ARHGAP31: variants seen among roughly 807,000 people sequenced by gnomAD.
ARHGAP31 encodes Rho GTPase activating protein 31.
A neutral mutation model predicts 113.9 loss-of-function variants in ARHGAP31; 34 were observed. That is an observed-to-expected ratio of 0.30 (90% confidence interval 0.23 to 0.40). The LOEUF (loss-of-function observed/expected upper bound fraction) is 0.40. Among genes scored for constraint, ARHGAP31 ranks in the 10% least tolerant of loss-of-function variants. ARHGAP31 has a pLI of 1.00. For missense variants in ARHGAP31, 1,548 were observed against 1,767.1 expected (o/e 0.88, Z 2.22); for synonymous variants, 650 against 684.8 (o/e 0.95, Z 0.79).
chr3:119,330,060 C>T, intron 1 of ARHGAP31: 3 of 945,822 alleles, frequency 3.2e-6, no homozygotes, highest in Non-Finnish European at 3.8e-6. Context: ...TAGATATTTC[C>T]ATTCAATCGT....
rs989624865 is a variant in ARHGAP31 at position 119,416,282 on chromosome 3, G to A, written c.*18G>A. On this transcript the variant is annotated 3_prime_UTR_variant, in exon 12 of 12. Transcript: ENST00000264245. ...TAGAATGATTTCGGTTCACCTGCTG[G>A]TGTCTGAAAAAAACCGTGATTCATC... The A allele has an allele frequency of 1.9e-6, 3 of 1,611,912 alleles. No individual in the cohort carries two copies. Among genetic ancestry groups the A allele is most frequent in the African/African-American group, 2.7e-5 (2 of 74,916 alleles).
At chr3:119,296,797 C>T (rs2079537095) in intron 1 of ARHGAP31, among the ~76,000 whole-genome samples, 1 of 152,074 alleles carries the variant, frequency 6.6e-6, no homozygotes, top group African/African-American at 2.4e-5. Context: ...CAAACCAGTA[C>T]CCCGGGTTCC....
Position 119,294,832 on chromosome 3 carries a change from G to T in ARHGAP31, c.-73G>T. ...CGCGGGGCAGCCGGTGATCTAGCCC[G>T]GGAGCCCATCTTACAGCGGTGCCAA... On this transcript the variant is annotated 5_prime_UTR_variant, in exon 1 of 12. Transcript: ENST00000264245. The T allele has an allele frequency of 7.2e-7, 1 of 1,396,390 alleles. No homozygotes were observed. 86.5% of individuals were successfully genotyped at this position (1,396,390 alleles called of 1,614,324 possible).
chr3:119,381,837 T>C (rs1265705905), intron 4 of ARHGAP31, among the ~76,000 whole-genome samples: 1 of 152,064 alleles, frequency 6.6e-6, no homozygotes, highest in African/African-American at 2.4e-5. Flanking sequence ...ATACAAAAAA[T>C]TAGCCGGGCG....
At chr3:119,386,447 C>A (rs2080448890) in intron 6 of ARHGAP31, among the ~76,000 whole-genome samples, 1 of 152,184 alleles carries the variant, frequency 6.6e-6, no homozygotes, top group African/African-American at 2.4e-5. Context: ...TCCCTTGGGC[C>A]TCTTTTATAA....
At chr3:119,331,969 G>A (rs1036581526) in intron 1 of ARHGAP31, among the ~76,000 whole-genome samples, 7 of 152,078 alleles carry the variant, frequency 4.6e-5, no homozygotes, top group Non-Finnish European at 8.8e-5. Context: ...TTCTACTACT[G>A]AGCTGAACAG....
intron 1 of ARHGAP31, among the ~76,000 whole-genome samples, chr3:119,345,496 C>A (rs1219076197): frequency 6.6e-6 from 1 of 152,056 alleles, no homozygotes; most frequent in Non-Finnish European, 1.5e-5. Flanking sequence ...AGAACTCATG[C>A]CCTTAATCAG....
chr3:119,392,512 C>A (rs143007451), intron 7 of ARHGAP31, among the ~76,000 whole-genome samples: 2 of 152,308 alleles, frequency 1.3e-5, no homozygotes, highest in African/African-American at 2.4e-5. Flanking sequence ...GAGAGCCCTG[C>A]GGAGAATAGG....
chr3:119,330,031 A>G, intron 1 of ARHGAP31: 1 of 979,664 alleles, frequency 1.0e-6, no homozygotes, highest in Non-Finnish European at 1.2e-6. Flanking sequence ...CAGTTGCTTC[A>G]TAAAACCAAC....
chr3:119,297,733 C>T (rs527720696), intron 1 of ARHGAP31, among the ~76,000 whole-genome samples: 8 of 152,090 alleles, frequency 5.3e-5, no homozygotes, highest in South Asian at 2.1e-4. Flanking sequence ...GAATGAATGT[C>T]ATATGCTTCT....
Position 119,413,992 on chromosome 3 carries a change from C to T in ARHGAP31, c.2063C>T (p.Ser688Leu), listed in dbSNP as rs757093180. ...KTSPIQPILE[S>L]SLGPFIPSEP... is the part of the protein sequence containing the mutation. ...AGCCCAATTCAGCCTATTCTCGAGT[C>T]GAGTCTGGGGCCCTTTATTCCCTCA... is the stretch of plus-strand genomic sequence containing the variant. Residue 688 changes from serine to leucine, a missense_variant, in exon 12 of 12, where the codon TCG becomes TTG. Transcript: ENST00000264245. The T allele has an allele frequency of 1.9e-6, 3 of 1,614,068 alleles. No individual in the cohort carries two copies. Among genetic ancestry groups the T allele is most frequent in the Admixed American group, 1.7e-5 (1 of 59,998 alleles).
intron 8 of ARHGAP31, among the ~76,000 whole-genome samples, 186 bp downstream of exon 8, chr3:119,393,777 A>G (rs971310167): frequency 1.3e-5 from 2 of 152,162 alleles, no homozygotes; most frequent in African/African-American, 4.8e-5. Context: ...AATAGTACAC[A>G]GAGAACCTGT....
At chr3:119,361,530 C>T (rs1171435289) in intron 1 of ARHGAP31, among the ~76,000 whole-genome samples, 1 of 152,170 alleles carries the variant, frequency 6.6e-6, no homozygotes, top group Non-Finnish European at 1.5e-5. Context: ...TACAGGCACC[C>T]GCCACCACAC....
chr3:119,394,173 G>A (rs2080527961), intron 8 of ARHGAP31, among the ~76,000 whole-genome samples: 1 of 152,218 alleles, frequency 6.6e-6, no homozygotes, highest in South Asian at 2.1e-4. Context: ...TGTTATATTA[G>A]GAGGTACATG....
chr3:119,385,635 C>A (rs1302766443), intron 6 of ARHGAP31, among the ~76,000 whole-genome samples: 2 of 152,192 alleles, frequency 1.3e-5, no homozygotes, highest in African/African-American at 4.8e-5. Flanking sequence ...ACAGCAGGAA[C>A]TGTTGTAGGT....
chr3:119,344,878 C>G (rs1378741439), intron 1 of ARHGAP31, among the ~76,000 whole-genome samples: 4 of 152,076 alleles, frequency 2.6e-5, no homozygotes, highest in African/African-American at 9.7e-5. Context: ...GTTAGGTAAC[C>G]AACCATAGTT....
intron 1 of ARHGAP31, among the ~76,000 whole-genome samples, chr3:119,323,826 A>AG (rs2079816522): frequency 6.6e-6 from 1 of 152,180 alleles, no homozygotes; most frequent in South Asian, 2.1e-4. Context: ...TTGAAAAGCG[A>AG]GGGAGGGACT....
chr3:119,401,489 T>C (rs1016580007), intron 9 of ARHGAP31, among the ~76,000 whole-genome samples: 1 of 152,218 alleles, frequency 6.6e-6, no homozygotes, highest in Non-Finnish European at 1.5e-5. Flanking sequence ...TTTTTCATGG[T>C]CTACATTTAA....
chr3:119,320,904 T>G (rs928231167), intron 1 of ARHGAP31, among the ~76,000 whole-genome samples: 5 of 152,130 alleles, frequency 3.3e-5, no homozygotes, highest in Non-Finnish European at 7.3e-5. Context: ...GGGCTGTTCT[T>G]GTGATAGTGA....
Sources: allele counts gnomAD v4.1 joint callset (sites outside exome capture counted in the v4.1 genomes callset), GRCh38; gene constraint gnomAD v4.1.1; transcripts MANE v1.5; gene names NCBI Gene and HGNC (gene_info 2026-07-23, HGNC 2026-07-21).